MPHOSPH8: variants seen among roughly 807,000 people sequenced by gnomAD.
MPHOSPH8 encodes the protein M-phase phosphoprotein, mpp.
A neutral mutation model predicts 87.3 loss-of-function variants in MPHOSPH8; 45 were observed. That is an observed-to-expected ratio of 0.52 (90% CI 0.41 to 0.66). MPHOSPH8 has a LOEUF of 0.66. MPHOSPH8 is among the 30% of genes least tolerant of loss of function. MPHOSPH8 has a pLI of 0.00. For synonymous variants in MPHOSPH8, 366 were observed against 376.9 expected, an observed-to-expected ratio of 0.97 and a Z score of 0.33; for missense variants, 883 against 1,020.2, an observed-to-expected ratio of 0.87 and a Z score of 1.83.
intron 11 of MPHOSPH8, among the ~76,000 whole-genome samples, chr13:19,668,992 C>G (rs1011964368): frequency 2.0e-5 from 3 of 152,142 alleles, no homozygotes; most frequent in Non-Finnish European, 4.4e-5. Flanking sequence ...CTACACGTGG[C>G]GCCAGGTAGA....
chr13:19,664,402 G>T (rs1379192838), intron 9 of MPHOSPH8, among the ~76,000 whole-genome samples: 1 of 152,182 alleles, frequency 6.6e-6, no homozygotes. Context: ...GCATGAGAGA[G>T]GTGGGTGGGC....
At position 19,673,210 on chromosome 13, in the gene MPHOSPH8, C is replaced by G; in HGVS notation, c.*1335C>G. The G allele has an allele frequency of 2.3e-6, 1 of 431,550 alleles. No homozygotes were observed. The allele number at this position is 431,550 out of a possible 1,614,324, so 26.7% of individuals were successfully genotyped here. On this transcript the variant is annotated 3_prime_UTR_variant, in exon 14 of 14. Transcript: ENST00000361479. ...TGTCAGCTGTGTGGGAGCCACCACC[C>G]TCTCTGGGAAGAGTTCCTGCTTCTG...
Position 19,650,106 on chromosome 13 carries a change from T to C in MPHOSPH8, c.1422T>C (p.Asp474=), listed in dbSNP as rs1380816114. 6.2e-7 allele frequency: 1 copy of C among 1,614,032 alleles called. No homozygotes were observed. Among genetic ancestry groups the C allele is most frequent in the Admixed American group, 1.7e-5 (1 of 59,992 alleles). Residue 474 remains aspartate, a synonymous_variant, in exon 5 of 14, where the codon GAT becomes GAC. Coordinates refer to ENST00000361479, the MANE Select transcript of MPHOSPH8 (RefSeq NM_017520.4). ...GGAAAAGGGAAGAAATACCACTGGA[T>C]TTTAAAACCATAGACGATCACAAAA... ...NNRKREEIPL[D]FKTIDDHKTK... is the part of the protein sequence containing the mutation.
At chr13:19,651,555 G>T (rs1469138779) in intron 5 of MPHOSPH8, among the ~76,000 whole-genome samples, 1 of 151,996 alleles carries the variant, frequency 6.6e-6, no homozygotes, top group East Asian at 1.9e-4. Flanking sequence ...AACTGGCTAG[G>T]CATGGTGGCA....
At position 19,660,045 on chromosome 13, in the gene MPHOSPH8, T is replaced by C. The variant is rs1593485062; in HGVS notation, c.1791+756T>C. ...GGTGTGATCTCAGCTCACTGCAAGCTCCGCCTCCCGGGTTCACGCCATTCT... is the reference window on the plus strand; with the variant it reads ...GGTGTGATCTCAGCTCACTGCAAGCCCCGCCTCCCGGGTTCACGCCATTCT... On this transcript the variant is annotated intron_variant, in intron 7 of 13. Coordinates refer to ENST00000361479, the MANE Select transcript of MPHOSPH8 (RefSeq NM_017520.4). Among the ~76,000 whole-genome samples the C allele has an allele frequency of 2.1e-5, 3 of 143,090 alleles. No individual in the cohort carries two copies. In the Admixed American group the frequency reaches 2.2e-4, roughly 11 times the overall value. The allele number at this position is 143,090 out of a possible 152,430, so 93.9% of individuals were successfully genotyped here.
chr13:19,670,820 CTT>C (rs3052670), intron 12 of MPHOSPH8: 77,095 of 933,202 alleles, frequency 0.083, 18 homozygotes, highest in South Asian at 0.099. Context: ...AAATAAATCA[CTT>C]TTTTTTTTTT....
intron 5 of MPHOSPH8, among the ~76,000 whole-genome samples, chr13:19,656,121 A>T (rs1875151548): frequency 6.6e-6 from 1 of 152,036 alleles, no homozygotes; most frequent in Non-Finnish European, 1.5e-5. Flanking sequence ...GTAATAAAAT[A>T]AAATAAAATA....
chr13:19,671,442 A>G (rs1352629796), intron 13 of MPHOSPH8, among the ~76,000 whole-genome samples, 153 bp downstream of exon 13: 2 of 152,152 alleles, frequency 1.3e-5, no homozygotes, highest in Non-Finnish European at 2.9e-5. Flanking sequence ...ACCCTCTCTC[A>G]GTTTACAATG....
chr13:19,660,158 C>A (rs764108401), intron 7 of MPHOSPH8, among the ~76,000 whole-genome samples: 1 of 150,138 alleles, frequency 6.7e-6, no homozygotes, highest in Non-Finnish European at 1.5e-5. Flanking sequence ...TTAGTAGAGA[C>A]GGGGTTTCAC....
At chr13:19,656,674 C>T (rs1332336516) in intron 5 of MPHOSPH8, among the ~76,000 whole-genome samples, 1 of 150,844 alleles carries the variant, frequency 6.6e-6, no homozygotes, top group Non-Finnish European at 1.5e-5. Flanking sequence ...GCAGGAGAAT[C>T]GCTTCAACCG....
intron 2 of MPHOSPH8, among the ~76,000 whole-genome samples, chr13:19,644,594 C>T (rs1874473251): frequency 6.6e-6 from 1 of 152,206 alleles, no homozygotes; most frequent in South Asian, 2.1e-4. Flanking sequence ...GTGTGGACTC[C>T]GGCAGGAGCA....
chr13:19,642,063 T>C, intron 1 of MPHOSPH8, 52 bp from the exon 2 acceptor site: 2 of 768,992 alleles, frequency 2.6e-6, no homozygotes, highest in Admixed American at 4.0e-5. Flanking sequence ...TTTTGGAAAT[T>C]TAATCAAGTT....
At chr13:19,670,549 T>A (rs1353991772) in intron 12 of MPHOSPH8, among the ~76,000 whole-genome samples, 186 bp downstream of exon 12, 1 of 152,226 alleles carries the variant, frequency 6.6e-6, no homozygotes, top group Admixed American at 6.5e-5. Context: ...TAGGAATTTT[T>A]CCTGCTTATT....
At chr13:19,661,891 T>C in intron 8 of MPHOSPH8, 53 bp downstream of exon 8, 2 of 1,542,440 alleles carry the variant, frequency 1.3e-6, no homozygotes, top group Admixed American at 2.0e-5. Context: ...TTCCTGCCGA[T>C]GGACTGAGAG....
chr13:19,652,997 G>T (rs940099812), intron 5 of MPHOSPH8, among the ~76,000 whole-genome samples: 1 of 151,850 alleles, frequency 6.6e-6, no homozygotes, highest in East Asian at 1.9e-4. Flanking sequence ...GCGGCTGTGG[G>T]CGCAGCTTCA....
Position 19,672,191 on chromosome 13 carries a change from C to A in MPHOSPH8, c.*316C>A, listed in dbSNP as rs995722176. ...CGGAGTTTCGCTCTTGTTGCCCAGGCTGGAGTGCAATGGTGCGATCTCGGC... is the reference window on the plus strand; with the variant it reads ...CGGAGTTTCGCTCTTGTTGCCCAGGATGGAGTGCAATGGTGCGATCTCGGC... On this transcript the variant is annotated 3_prime_UTR_variant, in exon 14 of 14. Transcript: ENST00000361479. The A allele has an allele frequency of 3.7e-5, 10 of 271,028 alleles. No individual in the cohort carries two copies. In the Admixed American group the frequency reaches 4.6e-4, roughly 12 times the overall value. The allele number at this position is 271,028 out of a possible 1,614,324, so 16.8% of individuals were successfully genotyped here. A position where few individuals can be genotyped will look rare whatever the true frequency, so the allele number is the denominator to read the frequency against.
rs891501736 is a variant in MPHOSPH8, at chr13:19,672,090, G to C, written c.*215G>C. ...TGCAGTGTCCAGACTGCGTATTTCA[G>C]TTTTTCCACAATGTGGATAGTACAT... On this transcript the variant is annotated 3_prime_UTR_variant, in exon 14 of 14. Coordinates refer to ENST00000361479, the MANE Select transcript of MPHOSPH8 (RefSeq NM_017520.4). 7 of 557,800 alleles carry C rather than the reference G, an allele frequency of 1.3e-5. No homozygotes were observed. Among genetic ancestry groups the C allele is most frequent in the African/African-American group, 9.4e-5 (5 of 53,442 alleles). The allele number at this position is 557,800 out of a possible 1,614,324, so 34.6% of individuals were successfully genotyped here. A position where few individuals can be genotyped will look rare whatever the true frequency, so the allele number is the denominator to read the frequency against.
intron 7 of MPHOSPH8, among the ~76,000 whole-genome samples, chr13:19,660,109 T>C (rs1378847147): frequency 1.3e-5 from 2 of 151,556 alleles, no homozygotes; most frequent in Non-Finnish European, 2.9e-5. Flanking sequence ...TACAGTTGCC[T>C]GCCACCTCGC....
chr13:19,633,946 C>T lies in MPHOSPH8; in HGVS notation c.198C>T (p.Asp66=), dbSNP rs767045700. 4 of 1,609,068 alleles carry T rather than the reference C, an allele frequency of 2.5e-6. No homozygotes were observed. The South Asian group carries it at 3.3e-5, about 13-fold the overall frequency. Reference sequence around the variant, plus strand: ...TGTTCGAGGTGGAGAAGATCCTGGACATGAAGACCGAGGGGGTATGTGGAG... The same window carrying T: ...TGTTCGAGGTGGAGAAGATCCTGGATATGAAGACCGAGGGGGTATGTGGAG... ...EDVFEVEKIL[D]MKTEGGKVLY... is the part of the protein sequence containing the mutation. The change falls in exon 1 of 14, where the codon GAC becomes GAT. Residue 66 remains aspartate, a synonymous_variant. Transcript: ENST00000361479.
Sources: allele counts gnomAD v4.1 joint callset (sites outside exome capture counted in the v4.1 genomes callset), GRCh38; gene constraint gnomAD v4.1.1; transcripts MANE v1.5; gene names NCBI Gene and HGNC (gene_info 2026-07-23, HGNC 2026-07-21).